Variants in USH2A observed in about 807,000 individuals in gnomAD.
USH2A encodes the protein usherin.
Under a neutral mutation model 538.9 loss-of-function variants are expected in USH2A, and 443 were observed. The observed-to-expected ratio is 0.82, with a 90% CI of 0.76 to 0.89. The LOEUF (loss-of-function observed/expected upper bound fraction) is 0.89, where lower values mean the gene tolerates loss of function less well. Ranked by LOEUF, USH2A falls within the 40% of genes least tolerant of loss-of-function variation. The pLI is 0.00. For missense variants in USH2A, 6,633 were observed against 6,324.8 expected (o/e 1.05, Z -1.65); for synonymous variants, 2,413 against 2,273.5 (o/e 1.06, Z -1.75).
At chr1:215,999,156 T>G (rs1166969712) in intron 33 of USH2A, 98 bp from the exon 34 acceptor site, 2 of 1,056,576 alleles carry the variant, frequency 1.9e-6, no homozygotes, top group East Asian at 4.8e-5. Context: ...TTGTGACACT[T>G]TTTTAAAAAA....
chr1:215,963,994 C>A (rs536373207), intron 37 of USH2A, among the ~76,000 whole-genome samples: 1 of 152,236 alleles, frequency 6.6e-6, no homozygotes, highest in African/African-American at 2.4e-5. Flanking sequence ...TAAATGGGTT[C>A]TGACTTTTGA....
intron 11 of USH2A, among the ~76,000 whole-genome samples, chr1:216,286,192 C>T (rs1005906303): frequency 4.6e-5 from 7 of 152,050 alleles, no homozygotes; most frequent in Non-Finnish European, 7.4e-5. Flanking sequence ...TCCCATAATC[C>T]CCATGTGTTG....
chr1:216,330,031 C>T (rs2037823498), intron 4 of USH2A, among the ~76,000 whole-genome samples: 1 of 152,016 alleles, frequency 6.6e-6, no homozygotes, highest in Non-Finnish European at 1.5e-5. Context: ...CAGGGGCTAG[C>T]CATTCATAAT....
intron 32 of USH2A, among the ~76,000 whole-genome samples, chr1:216,022,904 A>G (rs889803739): frequency 6.6e-6 from 1 of 152,138 alleles, no homozygotes; most frequent in East Asian, 1.9e-4. Context: ...TTATGCCCAT[A>G]GATGATGGTG....
intron 4 of USH2A, among the ~76,000 whole-genome samples, chr1:216,353,545 A>C (rs191530022): frequency 6.6e-6 from 1 of 152,156 alleles, no homozygotes; most frequent in Non-Finnish European, 1.5e-5. Context: ...AAATTAGAGG[A>C]GGTAATTAAA....
intron 58 of USH2A, among the ~76,000 whole-genome samples, chr1:215,746,842 CCTTT>C (rs1660486181): frequency 6.6e-6 from 1 of 152,070 alleles, no homozygotes; most frequent in South Asian, 2.1e-4. Context: ...ACTTACTGTG[CCTTT>C]TTTTGGAGTA....
chr1:215,799,201 A>G, intron 49 of USH2A, 76 bp from the exon 50 acceptor site: 1 of 1,437,520 alleles, frequency 7.0e-7, no homozygotes, highest in Admixed American at 1.9e-5. Flanking sequence ...CTTTTATCAC[A>G]ATCATCTTGC....
At chr1:216,384,637 T>G (rs1222678614) in intron 3 of USH2A, among the ~76,000 whole-genome samples, 1 of 152,098 alleles carries the variant, frequency 6.6e-6, no homozygotes, top group Non-Finnish European at 1.5e-5. Flanking sequence ...CCATCTCTAG[T>G]TGGAAATCAT....
At chr1:216,063,148 T>C (rs1417915128) in intron 30 of USH2A, among the ~76,000 whole-genome samples, 3 of 152,180 alleles carry the variant, frequency 2.0e-5, no homozygotes, top group Admixed American at 1.3e-4. Context: ...CAAAACTGTT[T>C]ATATAGGCTT....
intron 30 of USH2A, among the ~76,000 whole-genome samples, chr1:216,069,328 A>G (rs2031482346): frequency 1.3e-5 from 2 of 152,324 alleles, no homozygotes; most frequent in Middle Eastern, 3.4e-3. Context: ...TAAAGTCTTG[A>G]GGGAATTGAC....
chr1:216,130,325 CT>C (rs146442925), intron 21 of USH2A, among the ~76,000 whole-genome samples: 11,926 of 151,710 alleles, frequency 0.079, 660 homozygotes, highest in Non-Finnish European at 0.13. Context: ...CCCTTTCCCC[CT>C]GAGTCACCAA....
At chr1:215,994,563 T>G (rs1454227351) in intron 34 of USH2A, among the ~76,000 whole-genome samples, 2 of 152,162 alleles carry the variant, frequency 1.3e-5, no homozygotes, top group Admixed American at 6.6e-5. Context: ...CTTACCAGCT[T>G]AATTAAGCAA....
At chr1:216,404,092 G>C (rs550063476) in intron 3 of USH2A, among the ~76,000 whole-genome samples, 1 of 151,948 alleles carries the variant, frequency 6.6e-6, no homozygotes, top group South Asian at 2.1e-4. Context: ...TTTATAGCAG[G>C]GTGAGAACAG....
intron 21 of USH2A, among the ~76,000 whole-genome samples, chr1:216,149,347 A>G (rs1483093407): frequency 6.6e-6 from 1 of 152,044 alleles, no homozygotes; most frequent in Non-Finnish European, 1.5e-5. Context: ...CTGATAACGG[A>G]CCAGCCTTTA....
intron 61 of USH2A, among the ~76,000 whole-genome samples, chr1:215,702,750 G>A (rs1159111600): frequency 1.3e-5 from 2 of 151,380 alleles, no homozygotes; most frequent in Non-Finnish European, 2.9e-5. Context: ...CTTGCATTGG[G>A]TTAGAACATG....
intron 11 of USH2A, among the ~76,000 whole-genome samples, chr1:216,253,151 CTT>C (rs55786784): frequency 9.4e-5 from 13 of 138,852 alleles, no homozygotes; most frequent in Admixed American, 2.2e-4. Context: ...GTTATTTTTT[CTT>C]TTTTTTTTTT....
chr1:215,957,801 A>G (rs1667105216), intron 37 of USH2A, among the ~76,000 whole-genome samples: 3 of 152,288 alleles, frequency 2.0e-5, no homozygotes, highest in Non-Finnish European at 4.4e-5. Context: ...TTGCTTGAAA[A>G]GAAGCTGCCT....
At chr1:215,851,080 T>C (rs999527076) in intron 44 of USH2A, among the ~76,000 whole-genome samples, 4 of 152,086 alleles carry the variant, frequency 2.6e-5, no homozygotes, top group African/African-American at 9.7e-5. Context: ...TAAATGCCTA[T>C]ATCAAAAACT....
intron 4 of USH2A, among the ~76,000 whole-genome samples, chr1:216,343,302 T>C (rs947982732): frequency 4.7e-5 from 7 of 150,272 alleles, no homozygotes; most frequent in African/African-American, 1.5e-4. Context: ...TTCATGCCTA[T>C]GCTTTGGGTG....
Sources: gnomAD v4.1 joint callset for allele counts (sites outside exome capture counted in the v4.1 genomes callset) on GRCh38, gnomAD v4.1.1 for gene constraint, MANE v1.5 for transcripts, NCBI Gene and HGNC (gene_info 2026-07-23, HGNC 2026-07-21) for gene names.